The following SLC16A14 variants were observed in gnomAD, a reference collection of about 807,000 sequenced individuals.
SLC16A14 encodes the protein monocarboxylate transporter 14.
In SLC16A14, 14 loss-of-function variants were observed where a neutral mutation model predicts 35.8. That is an observed-to-expected ratio of 0.39 (90% CI 0.26 to 0.61). The LOEUF is 0.61. Among genes scored for constraint, SLC16A14 ranks in the 20% least tolerant of loss-of-function variants. The pLI is 0.51. For synonymous variants in SLC16A14, 248 were observed against 258.9 expected, an observed-to-expected ratio of 0.96 and a Z score of 0.40; for missense variants, 533 against 655.0, an observed-to-expected ratio of 0.81 and a Z score of 2.03.
At chr2:230,045,573 A>G in intron 4 of SLC16A14, 172 bp downstream of exon 4, 1 of 762,454 alleles carries the variant, frequency 1.3e-6, no homozygotes, top group Non-Finnish European at 2.1e-6. Context: ...AAAAAAAAAG[A>G]AAGAATAGGC....
intron 2 of SLC16A14, among the ~76,000 whole-genome samples, chr2:230,050,878 A>T (rs2077654519): frequency 6.6e-6 from 1 of 152,230 alleles, no homozygotes; most frequent in Non-Finnish European, 1.5e-5. Flanking sequence ...AAGGGAGTAC[A>T]GGAAGGGAGT....
chr2:230,067,789 C>T (rs551131753), intron 1 of SLC16A14, among the ~76,000 whole-genome samples: 6 of 152,232 alleles, frequency 3.9e-5, no homozygotes, highest in Non-Finnish European at 8.8e-5. Context: ...CCGAAATGGC[C>T]GTCCCCGGTC....
intron 3 of SLC16A14, among the ~76,000 whole-genome samples, chr2:230,049,033 C>A (rs1334474746): frequency 6.6e-5 from 9 of 136,016 alleles, no homozygotes; most frequent in African/African-American, 2.2e-4. Flanking sequence ...TTTTTCTTTT[C>A]TATTTTCACA....
chr2:230,050,176 G>A (rs1239484210), intron 2 of SLC16A14, among the ~76,000 whole-genome samples: 1 of 152,218 alleles, frequency 6.6e-6, no homozygotes, highest in Non-Finnish European at 1.5e-5. Flanking sequence ...CAGTGGTCTA[G>A]GAGCTATCTC....
chr2:230,046,622 G>T lies in SLC16A14; in HGVS notation c.504C>A (p.Thr168=). The T allele has an allele frequency of 6.2e-7, 1 of 1,612,066 alleles. No homozygotes were observed. The highest frequency in any genetic ancestry group is 8.5e-7 in the Non-Finnish European group (1 of 1,180,018). The change falls in exon 4 of 5, where the codon ACC becomes ACA. Residue 168 remains threonine (T), a synonymous_variant. Transcript: ENST00000295190. This position sits in a 1 kb window ranked among gnomAD's most constrained non-coding sequence, Gnocchi z 5.0. ...ALAQGLSTTG[T]GFGTFLMTVL... ...CAGTCATTAGGAACGTACCGAATCC[G>T]GTCCCCGTGGTGCTGAGGCCCTGGG...
chr2:230,051,149 AGTTTT>A (rs1436574272), intron 2 of SLC16A14, among the ~76,000 whole-genome samples: 1 of 151,936 alleles, frequency 6.6e-6, no homozygotes, highest in African/African-American at 2.4e-5. Context: ...CTGACTTTCT[AGTTTT>A]GTTTTGTTTT....
chr2:230,046,332 T>A lies in SLC16A14; in HGVS notation c.794A>T (p.Gln265Leu). 2 of 1,614,186 alleles carry A rather than the reference T, an allele frequency of 1.2e-6. No homozygotes were observed. The highest frequency in any genetic ancestry group is 1.7e-6 in the Non-Finnish European group (2 of 1,180,022). ...NEETLCDLQA[Q>L]ECPDQAGHRK... ...GTGCCCGGCCTGATCGGGGCACTCC[T>A]GGGCTTGCAGGTCGCAGAGGGTCTC... Residue 265 changes from glutamine (Q) to leucine (L), a missense_variant, in exon 4 of 5, where the codon CAG (glutamine) becomes CTG (leucine). Coordinates refer to ENST00000295190, the MANE Select transcript of SLC16A14 (RefSeq NM_152527.5). This position sits in a 1 kb window ranked among gnomAD's most constrained non-coding sequence, Gnocchi z 5.0.
intron 4 of SLC16A14, among the ~76,000 whole-genome samples, chr2:230,042,443 T>A (rs1427663548): frequency 6.6e-6 from 1 of 152,246 alleles, no homozygotes; most frequent in Admixed American, 6.5e-5. Context: ...GAATTACTCA[T>A]GCCATACCTC....
At chr2:230,062,996 G>A (rs1315208772) in intron 1 of SLC16A14, among the ~76,000 whole-genome samples, 1 of 152,052 alleles carries the variant, frequency 6.6e-6, no homozygotes, top group Non-Finnish European at 1.5e-5. Context: ...TATCTCAGAA[G>A]CCAATTTCCA....
chr2:230,065,775 G>T (rs892467749), intron 1 of SLC16A14, among the ~76,000 whole-genome samples: 5 of 151,972 alleles, frequency 3.3e-5, no homozygotes, highest in East Asian at 1.9e-4. Flanking sequence ...TTATATACAT[G>T]TATAATTATA....
Position 230,037,686 on chromosome 2 carries a change from C to CT in SLC16A14, c.1382-156dup, listed in dbSNP as rs201243914. Among the ~76,000 whole-genome samples, 557 of 144,858 alleles carry CT rather than the reference C, an allele frequency of 3.8e-3. 5 individuals are homozygous for CT. In the East Asian group the frequency reaches 0.05, roughly 13 times the overall value. The stretch of plus-strand genomic sequence containing the variant: ...ATGTTTCATTTATCCATTTCTTTTC[C>CT]TTTTTTTTTTTGTTTTTTATATTTT... On this transcript the variant is annotated intron_variant, in intron 4 of 4. Coordinates refer to ENST00000295190, the MANE Select transcript of SLC16A14 (RefSeq NM_152527.5).
intron 2 of SLC16A14, among the ~76,000 whole-genome samples, chr2:230,058,540 G>A (rs2077725623): frequency 2.6e-5 from 4 of 151,972 alleles, no homozygotes; most frequent in Admixed American, 2.0e-4. Flanking sequence ...TTTCCGTTTG[G>A]GAAGATGAAA....
At chr2:230,050,173 C>G (rs1354872882) in intron 2 of SLC16A14, among the ~76,000 whole-genome samples, 1 of 152,194 alleles carries the variant, frequency 6.6e-6, no homozygotes, top group Non-Finnish European at 1.5e-5. Flanking sequence ...AACCAGTGGT[C>G]TAGGAGCTAT....
chr2:230,059,130 C>A lies in SLC16A14; in HGVS notation c.223G>T (p.Val75Phe), dbSNP rs2077730258. The change falls in exon 2 of 5, where the codon GTC (valine) becomes TTC (phenylalanine). Residue 75 changes from valine to phenylalanine, a missense_variant. Physicochemically the swap from Val to Phe is conservative, Grantham distance 50. Coordinates refer to ENST00000295190, the MANE Select transcript of SLC16A14 (RefSeq NM_152527.5). ...GTGATGCCCATGCTGAGGGAGCTGACCCAGGCGGTCAGGCCGCGGCTCTGG... is the reference window on the plus strand; with the variant it reads ...GTGATGCCCATGCTGAGGGAGCTGAACCAGGCGGTCAGGCCGCGGCTCTGG... ...FHQSRGLTAW[V>F]SSLSMGITLI... 1 of 1,613,950 alleles carries A rather than the reference C, an allele frequency of 6.2e-7. No individual in the cohort carries two copies. Among genetic ancestry groups the A allele is most frequent in the Non-Finnish European group, 8.5e-7 (1 of 1,179,906 alleles).
chr2:230,061,802 C>T (rs1047765255), intron 1 of SLC16A14, among the ~76,000 whole-genome samples: 4 of 147,932 alleles, frequency 2.7e-5, no homozygotes, highest in Non-Finnish European at 5.9e-5. Context: ...AGGGCAGTGG[C>T]GTAATTTTGA....
chr2:230,052,762 C>T (rs114592229), intron 2 of SLC16A14, among the ~76,000 whole-genome samples: 2,821 of 152,172 alleles, frequency 0.019, 102 homozygotes, highest in African/African-American at 0.065. Context: ...AATCAACTCT[C>T]GCATGCTGGG....
At chr2:230,062,204 T>TA (rs1217847507) in intron 1 of SLC16A14, among the ~76,000 whole-genome samples, 7 of 152,288 alleles carry the variant, frequency 4.6e-5, no homozygotes, top group African/African-American at 1.7e-4. Context: ...TCAAAGGCAC[T>TA]AAGAAGTCTC....
rs763982269 is a variant in SLC16A14 at position 230,046,674 on chromosome 2, C to G, written c.452G>C (p.Arg151Thr). Residue 151 changes from arginine to threonine, a missense_variant, in exon 4 of 5, where the codon AGG becomes ACG. Coordinates refer to ENST00000295190, the MANE Select transcript of SLC16A14 (RefSeq NM_152527.5). This position sits in a 1 kb window ranked among gnomAD's most constrained non-coding sequence, Gnocchi z 5.0. ...GAGGGCGCGTCTCTTCTGGAAATACCTGCCCACCATGACCACCGCTGGCAG... is the reference window on the plus strand; with the variant it reads ...GAGGGCGCGTCTCTTCTGGAAATACGTGCCCACCATGACCACCGCTGGCAG... ...AYLPAVVMVG[R>T]YFQKRRALAQ... is the part of the protein sequence containing the mutation. The G allele has an allele frequency of 6.2e-7, 1 of 1,602,628 alleles. No individual in the cohort carries two copies. Among genetic ancestry groups the G allele is most frequent in the South Asian group, 1.1e-5 (1 of 91,086 alleles).
Position 230,059,116 on chromosome 2 carries a change from G to A in SLC16A14, c.237C>T (p.Ser79=). ...RGLTAWVSSL[S]MGITLIVGPF... ...TACCCACTATCAAGGTGATGCCCATGCTGAGGGAGCTGACCCAGGCGGTCA... is the reference window on the plus strand; with the variant it reads ...TACCCACTATCAAGGTGATGCCCATACTGAGGGAGCTGACCCAGGCGGTCA... The change falls in exon 2 of 5, where the codon AGC becomes AGT. Residue 79 remains serine, a synonymous_variant. Coordinates refer to ENST00000295190, the MANE Select transcript of SLC16A14 (RefSeq NM_152527.5). 6.2e-7 allele frequency: 1 copy of A among 1,613,310 alleles called. No homozygotes were observed. The highest frequency in any genetic ancestry group is 8.5e-7 in the Non-Finnish European group (1 of 1,179,572).
Sources: allele counts gnomAD v4.1 joint callset (sites outside exome capture counted in the v4.1 genomes callset), GRCh38; gene constraint gnomAD v4.1.1; non-coding constraint Gnocchi (gnomAD v3.1); transcripts MANE v1.5; gene names NCBI Gene and HGNC (gene_info 2026-07-23, HGNC 2026-07-21).